The following ZNF804B variants were observed in gnomAD, a reference collection of about 807,000 sequenced individuals.
ZNF804B encodes the protein zinc finger 804B.
Under a neutral mutation model 101.4 loss-of-function variants are expected in ZNF804B, and 80 were observed. The observed-to-expected ratio is 0.79, with a 90% CI of 0.66 to 0.95. The LOEUF (loss-of-function observed/expected upper bound fraction) is 0.95. Among genes scored for constraint, ZNF804B ranks in the 40% least tolerant of loss-of-function variants. ZNF804B has a pLI of 0.00. For synonymous variants in ZNF804B, 622 were observed against 558.8 expected (o/e 1.11, Z -1.59); for missense variants, 1,673 against 1,561.9 (o/e 1.07, Z -1.20).
At chr7:89,332,932 C>T (rs801838) in intron 3 of ZNF804B, among the ~76,000 whole-genome samples, 56,374 of 151,492 alleles carry the variant, frequency 0.37, 13,223 homozygotes, top group East Asian at 0.69. Flanking sequence ...TTAGAAATAG[C>T]ACATAAAAGC....
chr7:88,992,102 G>A (rs923490883), intron 1 of ZNF804B, among the ~76,000 whole-genome samples: 8 of 152,122 alleles, frequency 5.3e-5, no homozygotes, highest in African/African-American at 1.7e-4. Context: ...TGACAGTGAT[G>A]AGGAAAAGTT....
chr7:89,023,639 T>C (rs1380371440), intron 1 of ZNF804B, among the ~76,000 whole-genome samples: 2 of 152,190 alleles, frequency 1.3e-5, no homozygotes, highest in Non-Finnish European at 2.9e-5. Context: ...TATCACTAGA[T>C]AAAGAAAAAA....
chr7:89,248,653 A>C (rs1002075332), intron 2 of ZNF804B, among the ~76,000 whole-genome samples: 1 of 152,118 alleles, frequency 6.6e-6, no homozygotes, highest in Non-Finnish European at 1.5e-5. Context: ...TAAATAGAGA[A>C]ACAAAAGTAC....
intron 2 of ZNF804B, among the ~76,000 whole-genome samples, chr7:89,297,912 A>T (rs961333153): frequency 6.6e-6 from 1 of 151,314 alleles, no homozygotes; most frequent in Admixed American, 6.6e-5. Flanking sequence ...AAACTGTATC[A>T]ATAATATTCT....
At chr7:89,237,467 A>G (rs1034440647) in intron 2 of ZNF804B, among the ~76,000 whole-genome samples, 1 of 152,206 alleles carries the variant, frequency 6.6e-6, no homozygotes, top group Non-Finnish European at 1.5e-5. Flanking sequence ...TGATGTGATG[A>G]TGATGATGAG....
intron 2 of ZNF804B, among the ~76,000 whole-genome samples, chr7:89,251,443 A>G (rs549588291): frequency 6.6e-6 from 1 of 152,206 alleles, no homozygotes; most frequent in African/African-American, 2.4e-5. Context: ...GAAAGAAAGC[A>G]TAGGTAATAC....
At chr7:89,258,131 A>G (rs1789662454) in intron 2 of ZNF804B, among the ~76,000 whole-genome samples, 1 of 152,010 alleles carries the variant, frequency 6.6e-6, no homozygotes, top group African/African-American at 2.4e-5. Context: ...ATATAGTATA[A>G]CAACTATTTA....
chr7:89,064,847 A>G (rs1789433692), intron 1 of ZNF804B, among the ~76,000 whole-genome samples: 1 of 152,132 alleles, frequency 6.6e-6, no homozygotes, highest in Non-Finnish European at 1.5e-5. Flanking sequence ...TGTCTGGTGG[A>G]CACCCATGCT....
At chr7:89,210,486 A>G (rs1211199147) in intron 1 of ZNF804B, among the ~76,000 whole-genome samples, 1 of 151,808 alleles carries the variant, frequency 6.6e-6, no homozygotes, top group Non-Finnish European at 1.5e-5. Flanking sequence ...ATCCTAATGC[A>G]CTCCCATCCC....
chr7:88,979,539 C>A (rs1011516095), intron 1 of ZNF804B, among the ~76,000 whole-genome samples: 1 of 151,748 alleles, frequency 6.6e-6, no homozygotes, highest in Non-Finnish European at 1.5e-5. Context: ...GAAAAGCCTG[C>A]TGACAGATGT....
chr7:89,270,238 T>C (rs1162505415), intron 2 of ZNF804B, among the ~76,000 whole-genome samples: 1 of 152,196 alleles, frequency 6.6e-6, no homozygotes, highest in Non-Finnish European at 1.5e-5. Flanking sequence ...GAATTAATTT[T>C]TGTATAAGGT....
chr7:88,937,114 G>GAAA (rs1353131001), intron 1 of ZNF804B, among the ~76,000 whole-genome samples: 2 of 59,790 alleles, frequency 3.3e-5, no homozygotes, highest in Admixed American at 2.0e-4. Flanking sequence ...TATGAGAATA[G>GAAA]CAAAAAAAAA....
At chr7:89,190,155 C>T (rs922082645) in intron 1 of ZNF804B, among the ~76,000 whole-genome samples, 2 of 151,614 alleles carry the variant, frequency 1.3e-5, no homozygotes, top group Admixed American at 6.6e-5. Flanking sequence ...GGCGCGGTGA[C>T]GAAACCCTAT....
At chr7:89,244,127 G>A (rs921592799) in intron 2 of ZNF804B, among the ~76,000 whole-genome samples, 1 of 151,950 alleles carries the variant, frequency 6.6e-6, no homozygotes, top group Non-Finnish European at 1.5e-5. Context: ...TTTTAATTAT[G>A]TAGATAATGT....
At chr7:89,093,790 T>A (rs996081249) in intron 1 of ZNF804B, among the ~76,000 whole-genome samples, 1 of 152,214 alleles carries the variant, frequency 6.6e-6, no homozygotes, top group Non-Finnish European at 1.5e-5. Flanking sequence ...TATAGAAAGG[T>A]CCAATTATCC....
intron 1 of ZNF804B, among the ~76,000 whole-genome samples, chr7:89,154,332 A>C (rs1301215345): frequency 1.3e-5 from 2 of 152,186 alleles, no homozygotes; most frequent in Non-Finnish European, 2.9e-5. Context: ...GAGTTTCCTC[A>C]AAAAACCAAA....
intron 1 of ZNF804B, among the ~76,000 whole-genome samples, chr7:88,931,293 G>A (rs890491269): frequency 7.3e-5 from 11 of 151,678 alleles, no homozygotes; most frequent in African/African-American, 2.7e-4. Flanking sequence ...GTAAATAATT[G>A]GTATTTATAT....
chr7:89,147,800 G>T (rs1790813239), intron 1 of ZNF804B, among the ~76,000 whole-genome samples: 1 of 151,618 alleles, frequency 6.6e-6, no homozygotes, highest in Admixed American at 6.6e-5. Flanking sequence ...TTCCTTATGA[G>T]AATCTAATGT....
chr7:89,281,277 T>A (rs996874055), intron 2 of ZNF804B, among the ~76,000 whole-genome samples: 1 of 152,198 alleles, frequency 6.6e-6, no homozygotes, highest in Admixed American at 6.5e-5. Flanking sequence ...AAAAAACCAA[T>A]AGCTCTGTAT....
Sources: gnomAD v4.1 joint callset for allele counts (sites outside exome capture counted in the v4.1 genomes callset) on GRCh38, gnomAD v4.1.1 for gene constraint, MANE v1.5 for transcripts, NCBI Gene and HGNC (gene_info 2026-07-23, HGNC 2026-07-21) for gene names.